The following RYR3 variants were observed in gnomAD, a reference collection of about 807,000 sequenced individuals.
The protein encoded by RYR3 is brain ryanodine receptor-calcium release channel.
RYR3 carries 207 observed loss-of-function variants against 584.3 expected under a neutral mutation model. That is an observed-to-expected ratio of 0.35 (90% CI 0.32 to 0.40). RYR3 has a LOEUF of 0.40. RYR3 is among the 10% of genes least tolerant of loss of function. The probability of loss-of-function intolerance (pLI) is 1.00; values close to 1 mark genes in which losing one functional copy is unlikely to be tolerated. For missense variants in RYR3, 5,616 were observed against 6,089.2 expected (o/e 0.92, Z 2.59); for synonymous variants, 2,416 against 2,248.5 (o/e 1.07, Z -2.11).
chr15:33,754,384 A>G (rs1467799082), intron 57 of RYR3, among the ~76,000 whole-genome samples: 2 of 152,208 alleles, frequency 1.3e-5, no homozygotes, highest in Admixed American at 1.3e-4. Flanking sequence ...AGGGACGTAC[A>G]TGATTGTCCC....
At chr15:33,335,981 C>T (rs975301114) in intron 1 of RYR3, among the ~76,000 whole-genome samples, 1 of 152,014 alleles carries the variant, frequency 6.6e-6, no homozygotes. Context: ...AAGACAAGAA[C>T]AGCAATAAAT....
chr15:33,751,749 T>C (rs1246556396), intron 57 of RYR3, among the ~76,000 whole-genome samples: 1 of 152,190 alleles, frequency 6.6e-6, no homozygotes, highest in Non-Finnish European at 1.5e-5. Context: ...ACCCCATTTG[T>C]CAATTTTGGC....
intron 10 of RYR3, among the ~76,000 whole-genome samples, chr15:33,561,238 G>A (rs536093941): frequency 3.9e-5 from 6 of 152,238 alleles, no homozygotes; most frequent in East Asian, 1.9e-4. Context: ...AGAAAATGTC[G>A]TATAGACAAA....
intron 12 of RYR3, among the ~76,000 whole-genome samples, chr15:33,570,398 A>G (rs918853231): frequency 2.0e-5 from 3 of 152,190 alleles, no homozygotes; most frequent in African/African-American, 7.2e-5. Context: ...TCATAAATAT[A>G]AGAGTTCTTT....
intron 2 of RYR3, among the ~76,000 whole-genome samples, chr15:33,500,634 C>A (rs1357807732): frequency 6.6e-6 from 1 of 152,112 alleles, no homozygotes; most frequent in East Asian, 1.9e-4. Flanking sequence ...TCAACAGAGC[C>A]CTTCTCTCCA....
chr15:33,578,266 C>T (rs2058401850), intron 12 of RYR3, among the ~76,000 whole-genome samples: 1 of 152,122 alleles, frequency 6.6e-6, no homozygotes, highest in South Asian at 2.1e-4. Context: ...GGTATATACC[C>T]AAAGGAATAT....
At chr15:33,809,630 T>A (rs74693240) in intron 70 of RYR3, among the ~76,000 whole-genome samples, 7 of 115,308 alleles carry the variant, frequency 6.1e-5, no homozygotes, top group Non-Finnish European at 9.5e-5. Flanking sequence ...TTTTTTTTTT[T>A]AATGTTTTGT....
intron 1 of RYR3, among the ~76,000 whole-genome samples, chr15:33,325,259 C>A (rs1384567615): frequency 6.6e-6 from 1 of 152,188 alleles, no homozygotes; most frequent in Non-Finnish European, 1.5e-5. Context: ...TATAGGACCC[C>A]TTTACTCCCA....
At chr15:33,785,626 T>C (rs1352129423) in intron 65 of RYR3, 36 bp from the exon 66 acceptor site, 2 of 1,500,736 alleles carry the variant, frequency 1.3e-6, no homozygotes, top group African/African-American at 2.8e-5. Context: ...CACTGTGCTT[T>C]TGAATTTCTG....
chr15:33,649,503 A>C (rs1385881073), intron 31 of RYR3, among the ~76,000 whole-genome samples: 1 of 152,240 alleles, frequency 6.6e-6, no homozygotes, highest in East Asian at 1.9e-4. Flanking sequence ...TCTCTCTCAG[A>C]GTTTTTTTCC....
At chr15:33,636,591 T>C (rs756263708) in intron 27 of RYR3, 41 bp downstream of exon 27, 1 of 1,523,606 alleles carries the variant, frequency 6.6e-7, no homozygotes, top group East Asian at 2.3e-5. Flanking sequence ...TCCATGAGGC[T>C]GGAGGAAAAT....
intron 1 of RYR3, among the ~76,000 whole-genome samples, chr15:33,421,590 G>A (rs1327402343): frequency 1.3e-5 from 2 of 152,098 alleles, no homozygotes; most frequent in African/African-American, 4.8e-5. Flanking sequence ...TGGCAGAGGA[G>A]GGGTTTTTGA....
chr15:33,727,509 A>T (rs2068566755), intron 46 of RYR3, among the ~76,000 whole-genome samples: 1 of 152,222 alleles, frequency 6.6e-6, no homozygotes, highest in Non-Finnish European at 1.5e-5. Flanking sequence ...AAAACTTAAG[A>T]TAAAGCAAAT....
At position 33,419,848 on chromosome 15, in the gene RYR3, T is replaced by C. The variant is rs1207284621; in HGVS notation, c.52-53571T>C. On this transcript the variant is annotated intron_variant, in intron 1 of 103. Transcript: ENST00000634891. ...GGCGCTGGTGTTGATGTACTACATATGTATAAAATCCCCATGTAACTTTAC... is the reference window on the plus strand; with the variant it reads ...GGCGCTGGTGTTGATGTACTACATACGTATAAAATCCCCATGTAACTTTAC... Among the ~76,000 whole-genome samples, 5 of 152,312 alleles carry C rather than the reference T, an allele frequency of 3.3e-5. No homozygotes were observed. The East Asian group carries it at 9.6e-4, about 29-fold the overall frequency.
intron 1 of RYR3, among the ~76,000 whole-genome samples, chr15:33,408,465 T>C (rs2043171962): frequency 6.6e-6 from 1 of 152,234 alleles, no homozygotes; most frequent in Non-Finnish European, 1.5e-5. Context: ...GTGATAAATA[T>C]CAATGATTGT....
intron 80 of RYR3, among the ~76,000 whole-genome samples, chr15:33,822,007 G>GTTCATCCATTCATTCATTCA (rs2077132673): frequency 1.6e-5 from 1 of 63,528 alleles, no homozygotes; most frequent in Non-Finnish European, 3.1e-5. Context: ...CCTGTTATTC[G>GTTCATCCATTCATTCATTCA]TTCGTTCATC....
At chr15:33,533,152 G>A (rs2055026832) in intron 4 of RYR3, among the ~76,000 whole-genome samples, 159 bp from the exon 5 acceptor site, 1 of 152,118 alleles carries the variant, frequency 6.6e-6, no homozygotes, top group Non-Finnish European at 1.5e-5. Context: ...TGAAAGTATT[G>A]TATTAAGGCA....
At chr15:33,798,020 A>C (rs1171529021) in intron 67 of RYR3, among the ~76,000 whole-genome samples, 2 of 152,230 alleles carry the variant, frequency 1.3e-5, no homozygotes, top group African/African-American at 4.8e-5. Context: ...AGAAGTCCAA[A>C]GATAGTTGAG....
intron 40 of RYR3, among the ~76,000 whole-genome samples, chr15:33,699,372 ACTCT>A (rs991282533): frequency 1.0e-4 from 12 of 116,460 alleles, no homozygotes; most frequent in African/African-American, 2.4e-4. Context: ...CATCTCACTC[ACTCT>A]CTCTCCTCTC....
Sources: gnomAD v4.1 joint callset for allele counts (sites outside exome capture counted in the v4.1 genomes callset) on GRCh38, gnomAD v4.1.1 for gene constraint, MANE v1.5 for transcripts, NCBI Gene and HGNC (gene_info 2026-07-23, HGNC 2026-07-21) for gene names.